Variants in ANKRD44 observed in about 807,000 individuals in gnomAD.
ANKRD44 encodes ankyrin repeat domain 44.
In ANKRD44, 35 loss-of-function variants were observed where a neutral mutation model predicts 116.0. The ratio of observed to expected loss-of-function variants is 0.30; its 90% CI spans 0.23 to 0.40. ANKRD44 has a LOEUF of 0.40. Among genes scored for constraint, ANKRD44 ranks in the 10% least tolerant of loss-of-function variants. The pLI is 1.00. For missense variants in ANKRD44, 1,014 were observed against 1,242.6 expected, an observed-to-expected ratio of 0.82 and a Z score of 2.77; for synonymous variants, 435 against 461.8, an observed-to-expected ratio of 0.94 and a Z score of 0.74.
intron 4 of ANKRD44, among the ~76,000 whole-genome samples, chr2:197,131,855 A>G (rs2079104705): frequency 6.6e-6 from 1 of 152,162 alleles, no homozygotes; most frequent in Non-Finnish European, 1.5e-5. Flanking sequence ...CGTGCGTTAG[A>G]CTTTCTGGGT....
intron 16 of ANKRD44, among the ~76,000 whole-genome samples, chr2:197,077,125 A>C (rs1446532198): frequency 6.6e-6 from 1 of 152,194 alleles, no homozygotes; most frequent in African/African-American, 2.4e-5. Context: ...TCCCACCAAC[A>C]ATGTATAAAC....
intron 12 of ANKRD44, among the ~76,000 whole-genome samples, chr2:197,088,150 A>C (rs1241750548): frequency 6.6e-6 from 1 of 152,256 alleles, no homozygotes; most frequent in Non-Finnish European, 1.5e-5. Context: ...TACCACTGGT[A>C]AGTGAAAAGA....
In ANKRD44 at chr2:197,196,313, T is replaced by C. The variant is rs2080947592; in HGVS notation, c.28-9207A>G. ...AGGGTTGTAGGTATATTCAGTATAATTTATTTGTCTGTTCAAATAGAGACA... is the reference window on the plus strand; with the variant it reads ...AGGGTTGTAGGTATATTCAGTATAACTTATTTGTCTGTTCAAATAGAGACA... On this transcript the variant is annotated intron_variant, in intron 1 of 27. Transcript: ENST00000282272. Among the ~76,000 whole-genome samples, 3 of 152,178 alleles carry C rather than the reference T, an allele frequency of 2.0e-5. 1 individual carries two copies. The highest frequency in any genetic ancestry group is 7.2e-5 in the African/African-American group (3 of 41,448).
intron 1 of ANKRD44, among the ~76,000 whole-genome samples, chr2:197,189,783 G>A (rs992674237): frequency 1.3e-5 from 2 of 152,196 alleles, no homozygotes; most frequent in African/African-American, 4.8e-5. Context: ...GAACAGTTAA[G>A]ATTCCGGGGA....
intron 1 of ANKRD44, among the ~76,000 whole-genome samples, chr2:197,307,894 G>A (rs2084120796): frequency 6.6e-6 from 1 of 152,208 alleles, no homozygotes; most frequent in Non-Finnish European, 1.5e-5. Flanking sequence ...GAGGTGCCAG[G>A]CACAGTGGCT....
chr2:197,162,925 T>G (rs1461959737), intron 2 of ANKRD44, among the ~76,000 whole-genome samples: 3 of 152,224 alleles, frequency 2.0e-5, no homozygotes, highest in Non-Finnish European at 4.4e-5. Flanking sequence ...TATGCCACAA[T>G]AAGAAAAGGG....
chr2:197,137,753 A>G (rs1312768545), intron 3 of ANKRD44, among the ~76,000 whole-genome samples: 1 of 152,226 alleles, frequency 6.6e-6, no homozygotes, highest in Non-Finnish European at 1.5e-5. Context: ...GGAGTCAGGT[A>G]CAAGGGTTAT....
intron 10 of ANKRD44, among the ~76,000 whole-genome samples, chr2:197,092,990 G>A (rs1292885501): frequency 6.6e-6 from 1 of 151,942 alleles, no homozygotes; most frequent in Non-Finnish European, 1.5e-5. Context: ...TGGACATTTA[G>A]AAGAGGAAAA....
intron 8 of ANKRD44, among the ~76,000 whole-genome samples, chr2:197,114,964 C>T (rs749373015): frequency 4.6e-5 from 7 of 152,192 alleles, no homozygotes; most frequent in Admixed American, 6.6e-5. Flanking sequence ...CTCCAACGTT[C>T]TAAGTACCGT....
At position 196,999,561 on chromosome 2, in the gene ANKRD44, CACTT is replaced by C. The variant is rs201131442; in HGVS notation, c.2520-513_2520-510del. On this transcript the variant is annotated intron_variant, in intron 23 of 27. Coordinates refer to ENST00000282272, the MANE Select transcript of ANKRD44 (RefSeq NM_001195144.2). The stretch of plus-strand genomic sequence containing the variant: ...AGATACACTTGGTCATGTGTACAGA[CACTT>C]ATTTATTTATTTATTTATTTATTTA... 5.9e-3 allele frequency among the ~76,000 whole-genome samples: 728 copies of C among 123,046 alleles called. 7 individuals are homozygous for C. Among genetic ancestry groups the C allele is most frequent in the African/African-American group, 0.02 (671 of 34,370 alleles). 80.7% of individuals were successfully genotyped at this position (123,046 alleles called of 152,430 possible).
Position 196,987,169 on chromosome 2 carries a change from A to G in ANKRD44, c.*2422T>C. The G allele has an allele frequency of 1.0e-6, 1 of 985,346 alleles. No homozygotes were observed. The allele number at this position is 985,346 out of a possible 1,614,324, so 61.0% of individuals were successfully genotyped here. ...TCTTAAAATGCTTTTCCCCTATAAT[A>G]CTGACCTATGGTTTATAGTTTCGTA... On this transcript the variant is annotated 3_prime_UTR_variant, in exon 28 of 28. Transcript: ENST00000282272.
At chr2:197,270,884 C>G (rs1177491212) in intron 1 of ANKRD44, among the ~76,000 whole-genome samples, 1 of 152,152 alleles carries the variant, frequency 6.6e-6, no homozygotes, top group Non-Finnish European at 1.5e-5. Context: ...CCACAACCAG[C>G]CTTTCTGTGG....
chr2:197,267,746 A>C (rs138581344), intron 1 of ANKRD44, among the ~76,000 whole-genome samples: 2,093 of 152,346 alleles, frequency 0.014, 16 homozygotes, highest in Non-Finnish European at 0.02. Flanking sequence ...GGGTTGTCCA[A>C]GACAAAGCAC....
chr2:197,084,668 C>T (rs1300172803), intron 13 of ANKRD44, among the ~76,000 whole-genome samples: 2 of 152,214 alleles, frequency 1.3e-5, no homozygotes, highest in African/African-American at 4.8e-5. Context: ...TGTGCCCTAC[C>T]TAAGGTCCTT....
intron 16 of ANKRD44, among the ~76,000 whole-genome samples, chr2:197,041,870 C>T (rs1225817461): frequency 6.6e-6 from 1 of 152,068 alleles, no homozygotes; most frequent in African/African-American, 2.4e-5. Context: ...AAAGCAAGAG[C>T]ACATGAATCT....
intron 2 of ANKRD44, among the ~76,000 whole-genome samples, chr2:197,180,342 A>G (rs2080473518): frequency 6.6e-6 from 1 of 152,118 alleles, no homozygotes; most frequent in African/African-American, 2.4e-5. Flanking sequence ...CAATTTAGAG[A>G]TTTCCTGTAT....
At chr2:197,267,876 G>T (rs1229098028) in intron 1 of ANKRD44, among the ~76,000 whole-genome samples, 1 of 152,152 alleles carries the variant, frequency 6.6e-6, no homozygotes, top group Non-Finnish European at 1.5e-5. Flanking sequence ...CAGAATCAGG[G>T]TCAAGGTAGA....
At chr2:197,018,109 T>G (rs16860648) in intron 17 of ANKRD44, among the ~76,000 whole-genome samples, 1 of 152,200 alleles carries the variant, frequency 6.6e-6, no homozygotes, top group East Asian at 1.9e-4. Flanking sequence ...ATCACCAACC[T>G]GTTTTGCCAG....
intron 18 of ANKRD44, 71 bp downstream of exon 18, chr2:197,013,440 C>T (rs1232835498): frequency 6.7e-7 from 1 of 1,483,610 alleles, no homozygotes; most frequent in Non-Finnish European, 9.3e-7. Context: ...AAAGAAGATG[C>T]TGCTTTCCTT....
Sources: allele counts gnomAD v4.1 joint callset (sites outside exome capture counted in the v4.1 genomes callset), GRCh38; gene constraint gnomAD v4.1.1; transcripts MANE v1.5; gene names NCBI Gene and HGNC (gene_info 2026-07-23, HGNC 2026-07-21).